LTBP1: variants seen among roughly 807,000 people sequenced by gnomAD.
The protein encoded by LTBP1 is latent transforming growth factor beta binding protein 1.
LTBP1 carries 129 observed loss-of-function variants against 207.6 expected under a neutral mutation model. The ratio of observed to expected loss-of-function variants is 0.62; its 90% CI spans 0.54 to 0.72. The LOEUF (loss-of-function observed/expected upper bound fraction) is 0.72. Among genes scored for constraint, LTBP1 ranks in the 30% least tolerant of loss-of-function variants. The pLI is 0.00. For missense variants in LTBP1, 2,281 were observed against 2,217.2 expected, an observed-to-expected ratio of 1.03 and a Z score of -0.58; for synonymous variants, 963 against 833.7, an observed-to-expected ratio of 1.16 and a Z score of -2.67.
At chr2:33,140,922 G>A (rs10445910) in intron 5 of LTBP1, among the ~76,000 whole-genome samples, 28,407 of 152,116 alleles carry the variant, frequency 0.19, 3,385 homozygotes, top group East Asian at 0.33. Flanking sequence ...ACCCACCTCA[G>A]CCTCCCAAAG....
chr2:33,275,855 C>T lies in LTBP1; in HGVS notation c.2924C>T (p.Thr975Ile). Residue 975 changes from threonine (T) to isoleucine (I), a missense_variant, in exon 18 of 34, where the codon ACT becomes ATT. Physicochemically the swap from Thr to Ile is moderately conservative, Grantham distance 89. Around this residue, in one of 3 missense-constraint regions of LTBP1, gnomAD observed 1,671 missense variants for 1,634.8 expected, o/e 1.02. Coordinates refer to ENST00000404816, the MANE Select transcript of LTBP1 (RefSeq NM_206943.4). ...DVCGEGHCVNTVGAFRCEYCD... is the reference protein window; with the variant it reads ...DVCGEGHCVNIVGAFRCEYCD... ...TGTGGGGAGGGGCACTGTGTCAATACTGTGGGGGCCTTCCGGTGTGAATAC... is the reference window on the plus strand; with the variant it reads ...TGTGGGGAGGGGCACTGTGTCAATATTGTGGGGGCCTTCCGGTGTGAATAC... 6.2e-6 allele frequency: 10 copies of T among 1,613,078 alleles called. No homozygotes were observed. Among genetic ancestry groups the T allele is most frequent in the South Asian group, 1.1e-5 (1 of 90,802 alleles).
intron 31 of LTBP1, 123 bp downstream of exon 31, chr2:33,365,626 C>CATGT: frequency 1.4e-6 from 1 of 711,150 alleles, no homozygotes; most frequent in Non-Finnish European, 2.2e-6. Context: ...ACTTTCATCC[C>CATGT]GTGTGTGTGT....
intron 3 of LTBP1, among the ~76,000 whole-genome samples, chr2:33,028,091 A>C (rs2075516268): frequency 6.6e-6 from 1 of 152,116 alleles, no homozygotes; most frequent in African/African-American, 2.4e-5. Flanking sequence ...CCTGAGACTG[A>C]GTTCGGAAGA....
At chr2:33,192,064 G>C (rs1321259506) in intron 7 of LTBP1, among the ~76,000 whole-genome samples, 1 of 152,182 alleles carries the variant, frequency 6.6e-6, no homozygotes, top group East Asian at 1.9e-4. Flanking sequence ...AGCTCACAGA[G>C]CAGAAAGGGA....
rs570661521 is a variant in LTBP1 at position 33,302,293 on chromosome 2, A to C, written c.3481+649A>C. Among the ~76,000 whole-genome samples, 7 of 152,276 alleles carry C rather than the reference A, an allele frequency of 4.6e-5. No homozygotes were observed. In the East Asian group the frequency reaches 1.2e-3, roughly 25 times the overall value. On this transcript the variant is annotated intron_variant, in intron 22 of 33. Transcript: ENST00000404816. The stretch of plus-strand genomic sequence containing the variant: ...CCACCTAAGTAACAAGCTTTTTCCC[A>C]GCCCACCTGAGGTTTCACTGCATTT...
rs377663333 is a variant in LTBP1 at position 33,182,699 on chromosome 2, TACACAC to T, written c.1202-4125_1202-4120del. 3.3e-3 allele frequency among the ~76,000 whole-genome samples: 258 copies of T among 78,834 alleles called. 33 individuals carry two copies. The highest frequency in any genetic ancestry group is 9.5e-3 in the African/African-American group (198 of 20,816). The allele number at this position is 78,834 out of a possible 152,430, so 51.7% of individuals were successfully genotyped here. On this transcript the variant is annotated intron_variant, in intron 5 of 33. Transcript: ENST00000404816. ...AAGAAAAGATGGTGATATATATATA[TACACAC>T]ACACACACACACACACACACACACA...
intron 2 of LTBP1, among the ~76,000 whole-genome samples, chr2:32,956,760 G>A (rs1040215811): frequency 1.3e-5 from 2 of 152,136 alleles, no homozygotes; most frequent in Admixed American, 6.5e-5. Context: ...TCCATCAGAG[G>A]AATCACTATC....
chr2:33,145,814 TTA>T (rs2082983770), intron 5 of LTBP1, among the ~76,000 whole-genome samples: 1 of 152,206 alleles, frequency 6.6e-6, no homozygotes, highest in Non-Finnish European at 1.5e-5. Context: ...TTCCTTTGTA[TTA>T]TACCATTTTC....
intron 3 of LTBP1, among the ~76,000 whole-genome samples, chr2:33,036,822 T>C (rs1292152411): frequency 6.6e-6 from 1 of 152,188 alleles, no homozygotes; most frequent in African/African-American, 2.4e-5. Context: ...TAGCATGCAA[T>C]AGAAAAATAT....
At chr2:32,957,876 G>A (rs1678344054) in intron 2 of LTBP1, among the ~76,000 whole-genome samples, 1 of 152,118 alleles carries the variant, frequency 6.6e-6, no homozygotes, top group Non-Finnish European at 1.5e-5. Flanking sequence ...GATTGAGCAC[G>A]TCATGTAGAC....
intron 2 of LTBP1, among the ~76,000 whole-genome samples, chr2:33,014,232 G>A (rs898652399): frequency 1.3e-5 from 2 of 152,084 alleles, no homozygotes; most frequent in Non-Finnish European, 2.9e-5. Flanking sequence ...CCAGGAGACT[G>A]GATAGAAAAG....
At chr2:33,125,871 G>C (rs1311433850) in intron 4 of LTBP1, among the ~76,000 whole-genome samples, 1 of 151,918 alleles carries the variant, frequency 6.6e-6, no homozygotes, top group African/African-American at 2.4e-5. Flanking sequence ...GTGATTTAAA[G>C]CCACAAACAT....
chr2:33,110,623 GCCAGAC>G lies in LTBP1; in HGVS notation c.910_915del (p.Thr304_Gln305del). The stretch of plus-strand genomic sequence containing the variant: ...TCCCAGAGTGTGGTGATTCACCATG[GCCAGAC>G]CCAGGAATACGTGCTCAAGCCCAAG... On this transcript the variant is annotated inframe_deletion, in exon 4 of 34. Coordinates refer to ENST00000404816, the MANE Select transcript of LTBP1 (RefSeq NM_206943.4). 1 of 1,614,068 alleles carries G rather than the reference GCCAGAC, an allele frequency of 6.2e-7. No individual in the cohort carries two copies. The highest frequency in any genetic ancestry group is 1.1e-5 in the South Asian group (1 of 91,072).
chr2:33,197,353 G>A (rs1170825773), intron 7 of LTBP1, among the ~76,000 whole-genome samples: 1 of 152,188 alleles, frequency 6.6e-6, no homozygotes, highest in Non-Finnish European at 1.5e-5. Flanking sequence ...ACATTTGCAA[G>A]AGTTTGCTCA....
At chr2:33,167,870 T>C (rs1413824026) in intron 5 of LTBP1, among the ~76,000 whole-genome samples, 1 of 152,242 alleles carries the variant, frequency 6.6e-6, no homozygotes, top group Admixed American at 6.5e-5. Flanking sequence ...TAGGTTTAGA[T>C]TTCTTCCACT....
rs1212059774 is a variant in LTBP1, at chr2:32,947,274, G to C, written c.-51G>C. 3 of 1,194,336 alleles carry C rather than the reference G, an allele frequency of 2.5e-6. No homozygotes were observed. Among genetic ancestry groups the C allele is most frequent in the South Asian group, 4.1e-5 (1 of 24,176 alleles). 74.0% of individuals were successfully genotyped at this position (1,194,336 alleles called of 1,614,324 possible). A position where few individuals can be genotyped will look rare whatever the true frequency, so the allele number is the denominator to read the frequency against. ...GCGGGGAAAGGCGAGCCGCACGGCC[G>C]GGGGAGGGGGCCGGACCGCGCGCGA... is the stretch of plus-strand genomic sequence containing the variant. On this transcript the variant is annotated 5_prime_UTR_variant, in exon 1 of 34. Transcript: ENST00000404816.
rs1391459490 is a variant in LTBP1 at position 33,201,248 on chromosome 2, C to G, written c.1701+12397C>G. Among the ~76,000 whole-genome samples the G allele has an allele frequency of 3.9e-5, 6 of 152,004 alleles. No homozygotes were observed. In the South Asian group the frequency reaches 1.0e-3, roughly 26 times the overall value. On this transcript the variant is annotated intron_variant, in intron 7 of 33. Coordinates refer to ENST00000404816, the MANE Select transcript of LTBP1 (RefSeq NM_206943.4). ...AACCCAAATGGCCAACAATGATAGA[C>G]TGGATTAAGAAAATGTGGCACATAT...
At chr2:33,256,512 ACAAATGT>A (rs1170723809) in intron 11 of LTBP1, among the ~76,000 whole-genome samples, 1 of 151,752 alleles carries the variant, frequency 6.6e-6, no homozygotes, top group African/African-American at 2.4e-5. Context: ...TCTAACTTAG[ACAAATGT>A]CACTGAGTTC....
At chr2:33,274,102 A>T (rs1323839080) in intron 16 of LTBP1, among the ~76,000 whole-genome samples, 1 of 152,150 alleles carries the variant, frequency 6.6e-6, no homozygotes, top group African/African-American at 2.4e-5. Context: ...TAGCAAAAAC[A>T]AATTAACATT....
Sources: gnomAD v4.1 joint callset for allele counts (sites outside exome capture counted in the v4.1 genomes callset) on GRCh38, gnomAD v4.1.1 for gene constraint, gnomAD v4.1.1 regional missense constraint, MANE v1.5 for transcripts, NCBI Gene and HGNC (gene_info 2026-07-23, HGNC 2026-07-21) for gene names.